PADI3: variants seen among roughly 807,000 people sequenced by gnomAD.
PADI3 encodes the protein peptidyl arginine deiminase 3.
In PADI3, 53 loss-of-function variants were observed where a neutral mutation model predicts 71.5. The ratio of observed to expected loss-of-function variants is 0.74; its 90% confidence interval spans 0.59 to 0.93. The LOEUF (loss-of-function observed/expected upper bound fraction) is 0.93. Among genes scored for constraint, PADI3 ranks in the 40% least tolerant of loss-of-function variants. The pLI is 0.00. For missense variants in PADI3, 821 were observed against 868.0 expected, an observed-to-expected ratio of 0.95 and a Z score of 0.68; for synonymous variants, 361 against 347.5, an observed-to-expected ratio of 1.04 and a Z score of -0.43.
chr1:17,281,794 G>A (rs115902027), intron 15 of PADI3, among the ~76,000 whole-genome samples: 2,099 of 152,290 alleles, frequency 0.014, 45 homozygotes, highest in African/African-American at 0.047. Context: ...ACCTGGACAG[G>A]TGGGGCCCCA....
In PADI3 at chr1:17,283,431, G is replaced by T; in HGVS notation, c.*352G>T. ...CTAGAAACATCCACGTATCTCATCA[G>T]CCATCTTGTCCTGTGCATCCTAACA... On this transcript the variant is annotated 3_prime_UTR_variant, in exon 16 of 16. Coordinates refer to ENST00000375460, the MANE Select transcript of PADI3 (RefSeq NM_016233.2). 4.1e-6 allele frequency: 1 copy of T among 241,990 alleles called. No homozygotes were observed. The highest frequency in any genetic ancestry group is 1.1e-4 in the East Asian group (1 of 9,446). 15.0% of individuals were successfully genotyped at this position (241,990 alleles called of 1,614,324 possible). A position where few individuals can be genotyped will look rare whatever the true frequency, so the allele number is the denominator to read the frequency against.
intron 3 of PADI3, among the ~76,000 whole-genome samples, chr1:17,264,535 C>T (rs1008217800): frequency 2.6e-5 from 4 of 152,138 alleles, no homozygotes; most frequent in Non-Finnish European, 5.9e-5. Context: ...TCTTGCTTCT[C>T]CTCATGGTTT....
chr1:17,269,871 G>A (rs1238569834), intron 6 of PADI3, among the ~76,000 whole-genome samples: 31 of 152,054 alleles, frequency 2.0e-4, no homozygotes, highest in Admixed American at 1.8e-3. Context: ...CACCGCCTTC[G>A]GTCTCCCAAA....
At chr1:17,252,649 C>CT (rs2072980723) in intron 1 of PADI3, among the ~76,000 whole-genome samples, 1 of 152,172 alleles carries the variant, frequency 6.6e-6, no homozygotes, top group Non-Finnish European at 1.5e-5. Flanking sequence ...AGTGATCTGC[C>CT]TGCCTGAGCC....
In PADI3 at chr1:17,276,544, G is replaced by T. The variant is rs1482917335; in HGVS notation, c.1333G>T (p.Val445Leu). The T allele has an allele frequency of 5.6e-6, 9 of 1,614,010 alleles. No individual in the cohort carries two copies. The highest frequency in any genetic ancestry group is 7.6e-6 in the Non-Finnish European group (9 of 1,180,046). ...PGSSGRRVTQVVRDFLHAQKV... is the reference protein window; with the variant it reads ...PGSSGRRVTQLVRDFLHAQKV... ...GTCAAGTGGCCGCAGGGTCACCCAG[G>T]TGGTGCGGGACTTCCTCCATGCCCA... The change falls in exon 12 of 16, where the codon GTG becomes TTG. Residue 445 changes from valine to leucine, a missense_variant. Coordinates refer to ENST00000375460, the MANE Select transcript of PADI3 (RefSeq NM_016233.2).
At chr1:17,276,932 A>G (rs2100599263) in intron 13 of PADI3, 56 bp downstream of exon 13, 1 of 1,450,328 alleles carries the variant, frequency 6.9e-7, no homozygotes, top group East Asian at 2.3e-5. Context: ...ACCCAAATTA[A>G]GACACATCAT....
At position 17,268,498 on chromosome 1, in the gene PADI3, C is replaced by CTTTTT. The variant is rs564947321; in HGVS notation, c.652+559_652+563dup. ...AAAAATGTATACAAGTAATAAGATG[C>CTTTTT]TTTTTTTTTTTTTTTTTTTTTTTTT... On this transcript the variant is annotated intron_variant, in intron 6 of 15. Transcript: ENST00000375460. Among the ~76,000 whole-genome samples, 17 of 89,416 alleles carry CTTTTT rather than the reference C, an allele frequency of 1.9e-4. 2 individuals carry two copies. The highest frequency in any genetic ancestry group is 4.2e-4 in the African/African-American group (9 of 21,226). The allele number at this position is 89,416 out of a possible 152,430, so 58.7% of individuals were successfully genotyped here. A position where few individuals can be genotyped will look rare whatever the true frequency, so the allele number is the denominator to read the frequency against.
intron 10 of PADI3, among the ~76,000 whole-genome samples, chr1:17,273,666 G>T (rs1233568029): frequency 6.6e-6 from 1 of 152,138 alleles, no homozygotes; most frequent in African/African-American, 2.4e-5. Flanking sequence ...TATTGCATGG[G>T]ATATACTTAC....
chr1:17,260,545 C>T (rs1365230003), intron 2 of PADI3, among the ~76,000 whole-genome samples: 1 of 152,178 alleles, frequency 6.6e-6, no homozygotes, highest in Non-Finnish European at 1.5e-5. Context: ...GCCCATTTCG[C>T]AGATGGGGCA....
chr1:17,270,342 G>A lies in PADI3; in HGVS notation c.762G>A (p.Leu254=), dbSNP rs143095003. Residue 254 remains leucine (L), a synonymous_variant, in exon 7 of 16, where the codon CTG becomes CTA. Transcript: ENST00000375460. ...AGGAGCGCTTCTTCGTGGAAGGCCT[G>A]TCCTTCCCTGATGCCGGCTTCACAG... ...GDEERFFVEG[L]SFPDAGFTGL... is the part of the protein sequence containing the mutation. The A allele has an allele frequency of 1.9e-6, 3 of 1,613,988 alleles. No individual in the cohort carries two copies. Among genetic ancestry groups the A allele is most frequent in the Admixed American group, 1.7e-5 (1 of 60,000 alleles).
rs1161954668 is a variant in PADI3 at position 17,283,391 on chromosome 1, A to G, written c.*312A>G. ...CTCTGAAATCATCCATTTGGGGACAAATCCACATTGGGGTCTAGAAACATC... is the reference window on the plus strand; with the variant it reads ...CTCTGAAATCATCCATTTGGGGACAGATCCACATTGGGGTCTAGAAACATC... On this transcript the variant is annotated 3_prime_UTR_variant, in exon 16 of 16. Coordinates refer to ENST00000375460, the MANE Select transcript of PADI3 (RefSeq NM_016233.2). The G allele has an allele frequency of 3.1e-6, 1 of 325,690 alleles. No homozygotes were observed. The highest frequency in any genetic ancestry group is 5.7e-6 in the Non-Finnish European group (1 of 173,962). 20.2% of individuals were successfully genotyped at this position (325,690 alleles called of 1,614,324 possible).
chr1:17,280,188 C>T (rs1282116994), intron 13 of PADI3, among the ~76,000 whole-genome samples, 162 bp from the exon 14 acceptor site: 1 of 152,238 alleles, frequency 6.6e-6, no homozygotes, highest in Non-Finnish European at 1.5e-5. Context: ...CCAAGGCAAG[C>T]TCAGACAGGT....
intron 5 of PADI3, 43 bp from the exon 6 acceptor site, chr1:17,267,794 C>A (rs754382935): frequency 6.2e-7 from 1 of 1,606,402 alleles, no homozygotes; most frequent in South Asian, 1.1e-5. Flanking sequence ...GGGCCAGGGG[C>A]CAGGACTCCC....
intron 3 of PADI3, among the ~76,000 whole-genome samples, chr1:17,265,145 A>G (rs761398711): frequency 7.9e-4 from 120 of 151,988 alleles, no homozygotes; most frequent in Non-Finnish European, 7.4e-4. Flanking sequence ...TGAATGCTCC[A>G]TTTGCATTAT....
intron 1 of PADI3, among the ~76,000 whole-genome samples, chr1:17,252,400 CT>C (rs55649122): frequency 0.11 from 13,567 of 118,934 alleles, 650 homozygotes; most frequent in South Asian, 0.23. Flanking sequence ...TTTTCTTCTT[CT>C]TTTTTTTTTT....
At chr1:17,263,897 G>A (rs1183828212) in intron 3 of PADI3, among the ~76,000 whole-genome samples, 1 of 152,194 alleles carries the variant, frequency 6.6e-6, no homozygotes, top group Non-Finnish European at 1.5e-5. Flanking sequence ...CAAGGTTGTG[G>A]AGCTGGGAAA....
rs2073231099 is a variant in PADI3, at chr1:17,270,394, C to T, written c.814C>T (p.Leu272=). Reference sequence around the variant, plus strand: ...ACTCATCTCCTTCCATGTCACTCTGCTGGACGACTCCAACGAGGTAGGGAC... The same window carrying T: ...ACTCATCTCCTTCCATGTCACTCTGTTGGACGACTCCAACGAGGTAGGGAC... The part of the protein sequence containing the change: ...TGLISFHVTL[L]DDSNEDFSAS... Residue 272 remains leucine (L), a synonymous_variant, in exon 7 of 16, where the codon CTG becomes TTG. Transcript: ENST00000375460. The T allele has an allele frequency of 6.2e-7, 1 of 1,613,000 alleles. No homozygotes were observed. The highest frequency in any genetic ancestry group is 1.3e-5 in the African/African-American group (1 of 74,708).
chr1:17,261,428 C>G (rs1569887560), intron 2 of PADI3, among the ~76,000 whole-genome samples: 1 of 152,252 alleles, frequency 6.6e-6, no homozygotes, highest in African/African-American at 2.4e-5. Context: ...GAAATTGAGG[C>G]CCAGAGAAGA....
chr1:17,259,464 G>T, intron 1 of PADI3, 114 bp from the exon 2 acceptor site: 1 of 872,012 alleles, frequency 1.1e-6, no homozygotes, highest in Non-Finnish European at 1.8e-6. Context: ...GGATCTGAGG[G>T]GACTGGGTGG....
Sources: allele counts gnomAD v4.1 joint callset (sites outside exome capture counted in the v4.1 genomes callset), GRCh38; gene constraint gnomAD v4.1.1; transcripts MANE v1.5; gene names NCBI Gene and HGNC (gene_info 2026-07-23, HGNC 2026-07-21).